The following PCSK6 variants were observed in gnomAD, a reference collection of about 807,000 sequenced individuals.
The protein encoded by PCSK6 is paired basic amino acid cleaving enzyme 4.
PCSK6 carries 85 observed loss-of-function variants against 123.3 expected under a neutral mutation model. The observed-to-expected ratio is 0.69, with a 90% CI of 0.58 to 0.83. The LOEUF is 0.83. Among genes scored for constraint, PCSK6 ranks in the 40% least tolerant of loss-of-function variants. The pLI, the probability that PCSK6 is intolerant of heterozygous loss-of-function variation, is 0.00. For synonymous variants in PCSK6, 508 were observed against 516.0 expected (o/e 0.98, Z 0.21); for missense variants, 1,191 against 1,282.3 (o/e 0.93, Z 1.09).
At chr15:101,412,431 T>G (rs2055721649) in intron 6 of PCSK6, among the ~76,000 whole-genome samples, 1 of 152,048 alleles carries the variant, frequency 6.6e-6, no homozygotes, top group African/African-American at 2.4e-5. Context: ...TTTTAATTTT[T>G]AAGGATATAC....
At chr15:101,357,421 A>G (rs2041074859) in intron 13 of PCSK6, among the ~76,000 whole-genome samples, 1 of 152,158 alleles carries the variant, frequency 6.6e-6, no homozygotes, top group Non-Finnish European at 1.5e-5. Context: ...CCAGCCCTGC[A>G]TTTTCCCGGC....
intron 11 of PCSK6, among the ~76,000 whole-genome samples, chr15:101,377,658 A>AC (rs1277674367): frequency 6.6e-6 from 1 of 152,238 alleles, no homozygotes; most frequent in Non-Finnish European, 1.5e-5. Flanking sequence ...TTTTAAAATG[A>AC]CCGCCATACG....
In PCSK6 at chr15:101,432,341, AAAAG is replaced by A. The variant is rs551865219; in HGVS notation, c.403-245_403-242del. Among the ~76,000 whole-genome samples, 173 of 152,122 alleles carry A rather than the reference AAAAG, an allele frequency of 1.1e-3. 2 individuals are homozygous for A. In the East Asian group the frequency reaches 0.021, roughly 18 times the overall value. On this transcript the variant is annotated intron_variant, in intron 2 of 21. Transcript: ENST00000611716. ...TGATAGATTTTGAAGTCGTTGTACT[AAAAG>A]AAAGAAAGTGCTCACGCCTGTCATC... is the stretch of plus-strand genomic sequence containing the variant.
chr15:101,381,948 C>T (rs1383948182), intron 11 of PCSK6, 144 bp downstream of exon 11: 6 of 610,620 alleles, frequency 9.8e-6, no homozygotes, highest in South Asian at 2.0e-5. Context: ...CAAGAGAAAA[C>T]GCAGACGTGT....
intron 6 of PCSK6, among the ~76,000 whole-genome samples, chr15:101,418,003 G>C (rs909326951): frequency 1.3e-5 from 2 of 152,024 alleles, no homozygotes; most frequent in Non-Finnish European, 2.9e-5. Context: ...AAGGAAAAAA[G>C]AGGAGATGTC....
At chr15:101,327,192 C>T (rs1340522820) in intron 15 of PCSK6, among the ~76,000 whole-genome samples, 1 of 152,166 alleles carries the variant, frequency 6.6e-6, no homozygotes, top group African/African-American at 2.4e-5. Flanking sequence ...CTGTGTCTTC[C>T]CTCAAGTTCC....
chr15:101,470,828 G>A (rs866237841), intron 1 of PCSK6, among the ~76,000 whole-genome samples: 91 of 152,308 alleles, frequency 6.0e-4, no homozygotes, highest in African/African-American at 2.0e-3. Context: ...ACGCCTGTCC[G>A]TTAGGACTCT....
rs1409148356 is a variant in PCSK6 at position 101,489,417 on chromosome 15, G to A, written c.254C>T (p.Ala85Val). 3.1e-6 allele frequency: 4 copies of A among 1,281,954 alleles called. No individual in the cohort carries two copies. The highest frequency in any genetic ancestry group is 1.5e-5 in the South Asian group (1 of 66,806). 79.4% of individuals were successfully genotyped at this position (1,281,954 alleles called of 1,614,324 possible). A position where few individuals can be genotyped will look rare whatever the true frequency, so the allele number is the denominator to read the frequency against. ...AVQVLGGPAE[A>V]DRVAAAHGYL... ...CCCGTGCGCCGCCGCCACGCGGTCCGCCTCGGCCGGGCCGCCCAGCACTTG... is the reference window on the plus strand; with the variant it reads ...CCCGTGCGCCGCCGCCACGCGGTCCACCTCGGCCGGGCCGCCCAGCACTTG... Residue 85 changes from alanine (A) to valine (V), a missense_variant, in exon 1 of 22, where the codon GCG becomes GTG. This residue lies in a region of PCSK6 where 204 missense variants were observed against 166.4 expected (regional missense o/e 1.23). Transcript: ENST00000611716.
In PCSK6 at chr15:101,431,374, G is replaced by T; in HGVS notation, c.603C>A (p.Val201=). The T allele has an allele frequency of 6.2e-7, 1 of 1,613,956 alleles. No individual in the cohort carries two copies. Among genetic ancestry groups the T allele is most frequent in the Non-Finnish European group, 8.5e-7 (1 of 1,179,852 alleles). ...KRGYTGKNVV[V]TILDDGIERN... ...TCTCTATGCCATCATCAAGGATGGTGACCACCACGTTTTTTCCTGTGTAGC... is the reference window on the plus strand; with the variant it reads ...TCTCTATGCCATCATCAAGGATGGTTACCACCACGTTTTTTCCTGTGTAGC... Residue 201 remains valine (V), a synonymous_variant, in exon 4 of 22, where the codon GTC becomes GTA. Transcript: ENST00000611716.
intron 13 of PCSK6, among the ~76,000 whole-genome samples, chr15:101,342,788 G>A (rs1191799497): frequency 6.6e-6 from 1 of 152,174 alleles, no homozygotes; most frequent in Non-Finnish European, 1.5e-5. Context: ...TGTAATCCCA[G>A]CTACTTGGGA....
At chr15:101,431,494 G>T (rs1277612126) in intron 3 of PCSK6, 31 bp from the exon 4 acceptor site, 1 of 1,612,342 alleles carries the variant, frequency 6.2e-7, no homozygotes, top group African/African-American at 1.3e-5. Context: ...AAGTCCCCCC[G>T]ACATGGACAT....
chr15:101,373,370 GA>G (rs2041641340), intron 11 of PCSK6, among the ~76,000 whole-genome samples: 1 of 152,216 alleles, frequency 6.6e-6, no homozygotes, highest in South Asian at 2.1e-4. Context: ...GTTTTTATGT[GA>G]AAGCTCTTAA....
intron 12 of PCSK6, among the ~76,000 whole-genome samples, chr15:101,368,346 G>A (rs933316645): frequency 6.6e-6 from 1 of 152,200 alleles, no homozygotes; most frequent in African/African-American, 2.4e-5. Flanking sequence ...ACGTAAGCAG[G>A]ACACGTAGGG....
chr15:101,373,150 C>T (rs545472600), intron 11 of PCSK6, among the ~76,000 whole-genome samples: 2 of 152,236 alleles, frequency 1.3e-5, no homozygotes, highest in South Asian at 4.2e-4. Flanking sequence ...TAAGGGACTC[C>T]AGCCGCTGCA....
At chr15:101,331,566 A>G in intron 15 of PCSK6, 85 bp downstream of exon 15, 1 of 1,295,650 alleles carries the variant, frequency 7.7e-7, no homozygotes. Context: ...ACCAGGGGGC[A>G]AGACCCCATT....
At chr15:101,375,101 C>T (rs181180095) in intron 11 of PCSK6, among the ~76,000 whole-genome samples, 100 of 152,136 alleles carry the variant, frequency 6.6e-4, no homozygotes, top group African/African-American at 2.2e-3. Context: ...TACAGGCATG[C>T]GCCACCATGC....
intron 13 of PCSK6, among the ~76,000 whole-genome samples, chr15:101,349,935 C>T (rs1288652873): frequency 2.6e-5 from 4 of 151,856 alleles, no homozygotes; most frequent in Admixed American, 6.6e-5. Flanking sequence ...TTTTCTGAGA[C>T]GGAGTCTCTG....
chr15:101,481,870 G>A (rs1234908289), intron 1 of PCSK6, among the ~76,000 whole-genome samples: 1 of 152,244 alleles, frequency 6.6e-6, no homozygotes, highest in Non-Finnish European at 1.5e-5. Flanking sequence ...AAGGACTGGA[G>A]GGCTTTTCTT....
chr15:101,374,030 G>T (rs972579991), intron 11 of PCSK6, among the ~76,000 whole-genome samples: 3 of 152,188 alleles, frequency 2.0e-5, no homozygotes, highest in Admixed American at 2.0e-4. Flanking sequence ...AAATGATCCC[G>T]CAAAACCTGC....
Sources: gnomAD v4.1 joint callset for allele counts (sites outside exome capture counted in the v4.1 genomes callset) on GRCh38, gnomAD v4.1.1 for gene constraint, gnomAD v4.1.1 regional missense constraint, MANE v1.5 for transcripts, NCBI Gene and HGNC (gene_info 2026-07-23, HGNC 2026-07-21) for gene names.